COLGALT2: variants seen among roughly 807,000 people sequenced by gnomAD.
The protein encoded by COLGALT2 is collagen beta(1-O)galactosyltransferase 2.
A neutral mutation model predicts 73.4 loss-of-function variants in COLGALT2; 49 were observed. The observed-to-expected ratio is 0.67, with a 90% CI of 0.53 to 0.85. COLGALT2 has a LOEUF of 0.85. Ranked by LOEUF, COLGALT2 falls within the 40% of genes least tolerant of loss-of-function variation. COLGALT2 has a pLI of 0.00. For missense variants in COLGALT2, 722 were observed against 790.2 expected (o/e 0.91, Z 1.03); for synonymous variants, 295 against 307.6 (o/e 0.96, Z 0.43).
chr1:183,933,920 C>T (rs1479462117), downstream of COLGALT2, among the ~76,000 whole-genome samples: 2 of 152,190 alleles, frequency 1.3e-5, no homozygotes, highest in Admixed American at 1.3e-4. Flanking sequence ...TTCATTCTTT[C>T]CACTCTTTTT....
intron 1 of COLGALT2, among the ~76,000 whole-genome samples, chr1:183,993,974 A>G (rs1464992791): frequency 1.3e-5 from 2 of 149,736 alleles, no homozygotes; most frequent in African/African-American, 4.9e-5. Flanking sequence ...ACAAGGTAGC[A>G]CTCAAGACAA....
At chr1:183,934,120 A>G (rs552751482), downstream of COLGALT2, among the ~76,000 whole-genome samples, 1 of 152,214 alleles carries the variant, frequency 6.6e-6, no homozygotes, top group African/African-American at 2.4e-5. Flanking sequence ...TAATGGAGCC[A>G]TTCCACCACT....
At chr1:184,035,738 A>G (rs1053484253) in intron 1 of COLGALT2, among the ~76,000 whole-genome samples, 2 of 152,210 alleles carry the variant, frequency 1.3e-5, no homozygotes, top group African/African-American at 4.8e-5. Context: ...CAACTAAGGT[A>G]ACTGATATGT....
chr1:183,999,182 A>G (rs181425691), intron 1 of COLGALT2, among the ~76,000 whole-genome samples: 1 of 152,132 alleles, frequency 6.6e-6, no homozygotes, highest in Admixed American at 6.5e-5. Context: ...GTTTCGAATG[A>G]TTGCTGAAAT....
At chr1:184,020,427 G>A (rs1417847569) in intron 1 of COLGALT2, among the ~76,000 whole-genome samples, 13 of 152,162 alleles carry the variant, frequency 8.5e-5, no homozygotes, top group African/African-American at 2.7e-4. Flanking sequence ...TCAAAGAATC[G>A]CATGCTATTC....
intron 1 of COLGALT2, among the ~76,000 whole-genome samples, chr1:183,990,088 G>A (rs1558327829): frequency 6.6e-6 from 1 of 152,150 alleles, no homozygotes; most frequent in South Asian, 2.1e-4. Flanking sequence ...AGATACACAT[G>A]CCCATAGCAA....
Position 183,954,819 on chromosome 1 carries a change from T to C in COLGALT2, c.972A>G (p.Glu324=). The C allele has an allele frequency of 6.2e-7, 1 of 1,613,086 alleles. No individual in the cohort carries two copies. Among genetic ancestry groups the C allele is most frequent in the Non-Finnish European group, 8.5e-7 (1 of 1,179,378 alleles). ...GGACAACTGAGACATACTGGGAGGG[T>C]TCCATTGGAGGACGGTCAACTGGAA... ...IEAMIDRPPM[E]PSQYVSVVPK... is the part of the protein sequence containing the mutation. The change falls in exon 7 of 12, where the codon GAA becomes GAG. Residue 324 remains glutamate, a synonymous_variant. Transcript: ENST00000361927.
chr1:183,979,681 C>A (rs549291152), intron 1 of COLGALT2, among the ~76,000 whole-genome samples: 3 of 151,976 alleles, frequency 2.0e-5, no homozygotes, highest in African/African-American at 7.2e-5. Context: ...AATTTGCTGA[C>A]CCCTAATATA....
At chr1:184,006,122 T>C (rs1024229099) in intron 1 of COLGALT2, among the ~76,000 whole-genome samples, 1 of 152,228 alleles carries the variant, frequency 6.6e-6, no homozygotes, top group African/African-American at 2.4e-5. Context: ...AGGGAGCACT[T>C]GTTCATATAA....
intron 1 of COLGALT2, among the ~76,000 whole-genome samples, chr1:184,011,964 T>C (rs1043135257): frequency 6.6e-6 from 1 of 152,198 alleles, no homozygotes; most frequent in Non-Finnish European, 1.5e-5. Flanking sequence ...CCAAGAAAAC[T>C]ATAAGAAAAT....
downstream of COLGALT2, among the ~76,000 whole-genome samples, chr1:183,934,589 T>A (rs1181387596): frequency 1.3e-5 from 2 of 152,240 alleles, no homozygotes; most frequent in Admixed American, 1.3e-4. Flanking sequence ...ATTTTAACTT[T>A]ACTTTGTCAT....
In COLGALT2 at chr1:183,938,254, TAAA is replaced by T; in HGVS notation, c.*504_*506del. 7.1e-6 allele frequency: 7 copies of T among 985,064 alleles called. No homozygotes were observed. Among genetic ancestry groups the T allele is most frequent in the Non-Finnish European group, 8.4e-6 (7 of 830,348 alleles). The allele number at this position is 985,064 out of a possible 1,614,324, so 61.0% of individuals were successfully genotyped here. ...AAGACTTGTGACAGAATCCTTTAAA[TAAA>T]AAGCCAAATAAATATGATTTTAAGT... is the stretch of plus-strand genomic sequence containing the variant. On this transcript the variant is annotated 3_prime_UTR_variant, in exon 12 of 12. Transcript: ENST00000361927.
chr1:183,987,025 G>A (rs1274021939), intron 1 of COLGALT2, among the ~76,000 whole-genome samples: 1 of 151,986 alleles, frequency 6.6e-6, no homozygotes, highest in Admixed American at 6.6e-5. Context: ...ATCATCTCAG[G>A]ATGACAGGAT....
At chr1:183,973,152 T>C (rs1323130681) in intron 4 of COLGALT2, among the ~76,000 whole-genome samples, 1 of 152,190 alleles carries the variant, frequency 6.6e-6, no homozygotes, top group African/African-American at 2.4e-5. Context: ...AAAGGTTAAG[T>C]AAATTGGAAC....
rs186943034 is a variant in COLGALT2 at position 184,029,098 on chromosome 1, T to A, written c.263+7997A>T. Among the ~76,000 whole-genome samples the A allele has an allele frequency of 9.3e-3, 1,416 of 152,370 alleles. 5 individuals carry two copies. Among genetic ancestry groups the A allele is most frequent in the Admixed American group, 0.016 (239 of 15,302 alleles). ...GCAGCCAAATCTGAGGTTTAATTCA[T>A]GCAAGAGACTTGGCTAATGCCACCT... On this transcript the variant is annotated intron_variant, in intron 1 of 11. Transcript: ENST00000361927.
chr1:183,966,411 C>T (rs1429857784), intron 5 of COLGALT2, among the ~76,000 whole-genome samples: 1 of 152,184 alleles, frequency 6.6e-6, no homozygotes, highest in Non-Finnish European at 1.5e-5. Context: ...GTAATTATCC[C>T]TATCTTTGGT....
chr1:183,932,667 G>A (rs1669870980), downstream of COLGALT2, among the ~76,000 whole-genome samples: 1 of 152,304 alleles, frequency 6.6e-6, no homozygotes, highest in Non-Finnish European at 1.5e-5. Context: ...ACAGAGACGG[G>A]GATGTGGGCC....
intron 1 of COLGALT2, among the ~76,000 whole-genome samples, chr1:183,999,324 C>A (rs532830850): frequency 7.6e-4 from 115 of 152,208 alleles, no homozygotes; most frequent in African/African-American, 2.7e-3. Context: ...CAACTCAATG[C>A]AGTATCTTTT....
intron 1 of COLGALT2, among the ~76,000 whole-genome samples, chr1:184,002,742 C>A (rs1021133384): frequency 4.6e-5 from 7 of 152,144 alleles, no homozygotes; most frequent in African/African-American, 1.7e-4. Flanking sequence ...GTCTTTCTAT[C>A]TTGATGCCAT....
Sources: allele counts gnomAD v4.1 joint callset (sites outside exome capture counted in the v4.1 genomes callset), GRCh38; gene constraint gnomAD v4.1.1; transcripts MANE v1.5; gene names NCBI Gene and HGNC (gene_info 2026-07-23, HGNC 2026-07-21).